The following OCA2 variants were observed in gnomAD, a reference collection of about 807,000 sequenced individuals.
OCA2 encodes P protein.
Under a neutral mutation model 100.2 loss-of-function variants are expected in OCA2, and 77 were observed. The ratio of observed to expected loss-of-function variants is 0.77; its 90% CI spans 0.64 to 0.93. OCA2 has a LOEUF of 0.93. Ranked by LOEUF, OCA2 falls within the 40% of genes least tolerant of loss-of-function variation. OCA2 has a pLI of 0.00. For missense variants in OCA2, 1,062 were observed against 1,089.1 expected (o/e 0.98, Z 0.35); for synonymous variants, 432 against 439.2 (o/e 0.98, Z 0.21).
intron 19 of OCA2, among the ~76,000 whole-genome samples, chr15:27,875,354 C>G (rs2036745551): frequency 6.6e-6 from 1 of 152,168 alleles, no homozygotes; most frequent in South Asian, 2.1e-4. Context: ...ACTCTCTCTT[C>G]TGTTCCCTTA....
chr15:28,067,169 A>C (rs187158582), intron 2 of OCA2, among the ~76,000 whole-genome samples: 2 of 152,306 alleles, frequency 1.3e-5, no homozygotes, highest in African/African-American at 4.8e-5. Context: ...TTTCTCATCA[A>C]TAATATTATT....
At chr15:27,777,345 G>A (rs945180617) in intron 23 of OCA2, among the ~76,000 whole-genome samples, 3 of 152,180 alleles carry the variant, frequency 2.0e-5, no homozygotes, top group Non-Finnish European at 2.9e-5. Context: ...CTTCTAGGGA[G>A]GGAGTGATAA....
At chr15:28,091,786 T>C (rs2044874186) in intron 1 of OCA2, among the ~76,000 whole-genome samples, 1 of 151,282 alleles carries the variant, frequency 6.6e-6, no homozygotes. Context: ...CGAAACCTCG[T>C]CTCTACTAAA....
intron 23 of OCA2, among the ~76,000 whole-genome samples, chr15:27,762,831 A>G (rs2030951635): frequency 6.6e-6 from 1 of 152,234 alleles, no homozygotes; most frequent in Non-Finnish European, 1.5e-5. Flanking sequence ...TTGAGAGCCA[A>G]AAATCTCATG....
intron 19 of OCA2, among the ~76,000 whole-genome samples, chr15:27,899,314 A>G (rs2037830968): frequency 6.6e-6 from 1 of 152,226 alleles, no homozygotes; most frequent in Admixed American, 6.5e-5. Context: ...TTTGTGCAGC[A>G]ATAGGAGATG....
At chr15:27,892,525 G>C (rs1264699375) in intron 19 of OCA2, among the ~76,000 whole-genome samples, 1 of 123,296 alleles carries the variant, frequency 8.1e-6, no homozygotes, top group Non-Finnish European at 1.6e-5. Context: ...TAATGAAAAT[G>C]CAACACATAG....
chr15:27,743,157 C>G, the OCA2 span, among the ~76,000 whole-genome samples: 1 of 152,162 alleles, frequency 6.6e-6, no homozygotes, highest in Non-Finnish European at 1.5e-5. Flanking sequence ...CACAGTGGCA[C>G]TTTATCAAAA....
intron 21 of OCA2, among the ~76,000 whole-genome samples, chr15:27,870,734 A>G (rs1464120852): frequency 4.5e-5 from 3 of 66,996 alleles, no homozygotes; most frequent in African/African-American, 9.5e-5. Context: ...GAAGGAAGGA[A>G]GGGAGGGAGG....
chr15:27,852,198 G>T (rs2035779331), intron 21 of OCA2, among the ~76,000 whole-genome samples: 1 of 152,224 alleles, frequency 6.6e-6, no homozygotes, highest in Non-Finnish European at 1.5e-5. Context: ...TAAGAAATTT[G>T]TGTTCAAGTC....
chr15:28,047,271 A>T lies in OCA2; in HGVS notation c.228-15108T>A, dbSNP rs575449312. On this transcript the variant is annotated intron_variant, in intron 2 of 23. Transcript: ENST00000354638. ...CCAGAATCCTCCTCCAGAGACTCTG[A>T]TTCAGAAGAGAGTGTGGCTCAAAGA... Among the ~76,000 whole-genome samples, 5 of 152,328 alleles carry T rather than the reference A, an allele frequency of 3.3e-5. No individual in the cohort carries two copies. In the East Asian group the frequency reaches 9.6e-4, roughly 29 times the overall value.
At chr15:27,946,587 G>C (rs995963167) in intron 18 of OCA2, among the ~76,000 whole-genome samples, 4 of 152,162 alleles carry the variant, frequency 2.6e-5, no homozygotes, top group African/African-American at 9.7e-5. Context: ...CTGTGAATCT[G>C]CTGTGATTCT....
chr15:27,815,968 C>T (rs1458294575), intron 23 of OCA2, among the ~76,000 whole-genome samples: 2 of 152,044 alleles, frequency 1.3e-5, no homozygotes, highest in Non-Finnish European at 2.9e-5. Flanking sequence ...CCCGTCTCTA[C>T]TAAAAATACA....
chr15:27,870,755 A>C, intron 21 of OCA2, among the ~76,000 whole-genome samples: 1 of 150,370 alleles, frequency 6.7e-6, no homozygotes, highest in Non-Finnish European at 1.5e-5. Context: ...GAGGGAGGGA[A>C]GGAAAGACAG....
intron 2 of OCA2, among the ~76,000 whole-genome samples, chr15:28,080,640 G>C (rs866478362): frequency 6.6e-6 from 1 of 152,212 alleles, no homozygotes; most frequent in African/African-American, 2.4e-5. Flanking sequence ...CACCACACCC[G>C]CATGCAATTC....
At chr15:27,752,351 T>TC (rs1300164469), downstream of OCA2, among the ~76,000 whole-genome samples, 3 of 152,206 alleles carry the variant, frequency 2.0e-5, no homozygotes, top group Non-Finnish European at 4.4e-5. Flanking sequence ...TCTTTTTCCA[T>TC]CATAACGACA....
intron 2 of OCA2, among the ~76,000 whole-genome samples, chr15:28,062,480 T>C (rs1469029290): frequency 1.3e-5 from 2 of 152,218 alleles, no homozygotes; most frequent in Admixed American, 1.3e-4. Context: ...ATCAGATATA[T>C]TGTCAGCCAT....
intron 2 of OCA2, among the ~76,000 whole-genome samples, chr15:28,071,649 A>G (rs2044264372): frequency 6.6e-6 from 1 of 152,248 alleles, no homozygotes; most frequent in South Asian, 2.1e-4. Flanking sequence ...GACATGGCCA[A>G]TATAAACAAA....
At chr15:27,988,494 G>A (rs1466331292) in intron 11 of OCA2, among the ~76,000 whole-genome samples, 6 of 151,844 alleles carry the variant, frequency 4.0e-5, no homozygotes, top group Admixed American at 1.3e-4. Flanking sequence ...AGAAACACAC[G>A]GGGAAGACAA....
intron 19 of OCA2, chr15:27,896,348 C>T (rs987219660): frequency 5.6e-5 from 44 of 784,576 alleles, no homozygotes; most frequent in African/African-American, 5.0e-4. Context: ...AAGATGCTTA[C>T]CAGAAACAGT....
Sources: gnomAD v4.1 joint callset for allele counts (sites outside exome capture counted in the v4.1 genomes callset) on GRCh38, gnomAD v4.1.1 for gene constraint, MANE v1.5 for transcripts, NCBI Gene and HGNC (gene_info 2026-07-23, HGNC 2026-07-21) for gene names.